The following STAG2 variants were observed in gnomAD, a reference collection of about 807,000 sequenced individuals.
STAG2 encodes the protein cohesin subunit SA-2.
Under a neutral mutation model 108.1 loss-of-function variants are expected in STAG2, and 14 were observed. The observed-to-expected ratio is 0.13, with a 90% CI of 0.09 to 0.20. The LOEUF (loss-of-function observed/expected upper bound fraction) is 0.20, where lower values mean the gene tolerates loss of function less well. Ranked by LOEUF, STAG2 falls within the 10% of genes least tolerant of loss-of-function variation. STAG2 has a pLI of 1.00. For synonymous variants in STAG2, 307 were observed against 302.7 expected, an observed-to-expected ratio of 1.01 and a Z score of -0.15; for missense variants, 440 against 940.9, an observed-to-expected ratio of 0.47 and a Z score of 6.96.
chrX:124,028,807 T>TATAATATATATATAATATATATATATA (rs2057197658), intron 4 of STAG2, among the ~76,000 whole-genome samples: 1 of 87,090 alleles, frequency 1.1e-5, no homozygotes, highest in African/African-American at 4.4e-5. Context: ...TATATATATA[T>TATAATATATATATAATATATATATATA]ATATATATAT....
intron 28 of STAG2, among the ~76,000 whole-genome samples, chrX:124,082,668 A>G (rs1178965010): frequency 9.0e-6 from 1 of 111,248 alleles, no homozygotes; most frequent in Non-Finnish European, 1.9e-5. Flanking sequence ...CACTAGGATT[A>G]TAGGTGTGAA....
intron 1 of STAG2, among the ~76,000 whole-genome samples, chrX:123,974,474 G>A (rs969790503): frequency 1.8e-5 from 2 of 108,696 alleles, no homozygotes; most frequent in East Asian, 5.7e-4. Flanking sequence ...GATAACACCC[G>A]TCTTGGCCTC....
At chrX:124,081,551 A>G (rs777076913) in intron 28 of STAG2, 23 bp downstream of exon 28, 4 of 1,120,614 alleles carry the variant, frequency 3.6e-6, no homozygotes, top group East Asian at 3.2e-5. Context: ...TATTTTATTC[A>G]GCTCTCATAT....
intron 32 of STAG2, among the ~76,000 whole-genome samples, chrX:124,093,740 G>C (rs2059314174): frequency 9.0e-6 from 1 of 111,422 alleles, no homozygotes; most frequent in Middle Eastern, 4.2e-3. Context: ...ATGTTCCCAT[G>C]TGGGAAATTC....
intron 1 of STAG2, among the ~76,000 whole-genome samples, chrX:124,005,423 T>C (rs1321309706): frequency 9.0e-6 from 1 of 111,645 alleles, no homozygotes; most frequent in Non-Finnish European, 1.9e-5. Flanking sequence ...ATCACAGATA[T>C]CCCTCACACT....
At chrX:123,977,685 C>T (rs1426775508) in intron 1 of STAG2, among the ~76,000 whole-genome samples, 1 of 110,344 alleles carries the variant, frequency 9.1e-6, no homozygotes, top group Non-Finnish European at 1.9e-5. Context: ...AATTTCCCTA[C>T]AAGCCTGTGA....
At chrX:124,051,855 G>A (rs868336682) in intron 13 of STAG2, among the ~76,000 whole-genome samples, 2 of 112,399 alleles carry the variant, frequency 1.8e-5, no homozygotes, top group African/African-American at 6.5e-5. Flanking sequence ...CTCCCAAGGT[G>A]CTGGGATTAC....
At chrX:124,000,080 C>A (rs1569498087) in intron 1 of STAG2, among the ~76,000 whole-genome samples, 4 of 110,473 alleles carry the variant, frequency 3.6e-5, no homozygotes, top group Non-Finnish European at 3.8e-5. Flanking sequence ...AAACTACAGT[C>A]ATGTGCTGAA....
chrX:123,987,141 C>T (rs1032316832), intron 1 of STAG2, among the ~76,000 whole-genome samples: 7 of 109,800 alleles, frequency 6.4e-5, no homozygotes, highest in African/African-American at 1.3e-4. Flanking sequence ...TACAGGTGTG[C>T]GCCACCATGC....
chrX:124,035,312 CA>C (rs1423332434), intron 5 of STAG2, among the ~76,000 whole-genome samples: 1 of 111,661 alleles, frequency 9.0e-6, no homozygotes, highest in African/African-American at 3.3e-5. Context: ...CAGTAGCTCG[CA>C]TTATTTTTAT....
chrX:124,070,902 T>TA (rs1364032046), intron 24 of STAG2, among the ~76,000 whole-genome samples: 1 of 110,867 alleles, frequency 9.0e-6, no homozygotes, highest in Non-Finnish European at 1.9e-5. Flanking sequence ...TGCTGAAAAT[T>TA]AAAAAAAATT....
chrX:123,984,225 G>T (rs372982661), intron 1 of STAG2, among the ~76,000 whole-genome samples: 1 of 109,667 alleles, frequency 9.1e-6, no homozygotes, highest in Non-Finnish European at 1.9e-5. Context: ...TGATTCGCTG[G>T]CCTCAGCCTC....
Position 124,048,993 on chromosome X carries a change from GT to G in STAG2, c.820-5del. 1 of 1,182,100 alleles carries G rather than the reference GT, an allele frequency of 8.5e-7. No individual in the cohort carries two copies. The highest frequency in any genetic ancestry group is 3.0e-5 in the East Asian group (1 of 33,468). On this transcript the variant is annotated splice_polypyrimidine_tract_variant and intron_variant, in intron 9 of 34. Transcript: ENST00000371145. ...CTTTACAATTGAAAAGAAATGATGTGTTTTTTTACAGCTTCAGGAAAATCAA... is the reference window on the plus strand; with the variant it reads ...CTTTACAATTGAAAAGAAATGATGTGTTTTTTACAGCTTCAGGAAAATCAA...
At position 124,056,144 on chromosome X, in the gene STAG2, C is replaced by G. The variant is rs1265255072; in HGVS notation, c.1213C>G (p.Leu405Val). Residue 405 changes from leucine (L) to valine (V), a missense_variant, in exon 14 of 35, where the codon CTC becomes GTC. Coordinates refer to ENST00000371145, the MANE Select transcript of STAG2 (RefSeq NM_001042750.2). Reference sequence around the variant, plus strand: ...ATTTCTTAGGAGTAGTGAAGAAGTTCTCACTGCAGAAGATTGTGAAAATGT... The same window carrying G: ...ATTTCTTAGGAGTAGTGAAGAAGTTGTCACTGCAGAAGATTGTGAAAATGT... Reference protein sequence around the residue: ...TLVLQSSEEVLTAEDCENVYH... With the variant: ...TLVLQSSEEVVTAEDCENVYH... The G allele has an allele frequency of 8.3e-7, 1 of 1,198,744 alleles. No homozygotes were observed. The highest frequency in any genetic ancestry group is 1.1e-6 in the Non-Finnish European group (1 of 888,217).
At chrX:124,097,848 C>T (rs1379054503) in intron 34 of STAG2, 3 of 168,298 alleles carry the variant, frequency 1.8e-5, no homozygotes, top group African/African-American at 9.1e-5. Flanking sequence ...GTTGTGCTTC[C>T]CAAAACTAAA....
intron 26 of STAG2, 109 bp downstream of exon 26, chrX:124,076,580 G>A: frequency 2.7e-6 from 2 of 741,580 alleles, no homozygotes; most frequent in Non-Finnish European, 3.7e-6. Context: ...GTGTAAAAGA[G>A]TTGTATTTTA....
Position 124,063,834 on chromosome X carries a change from T to A in STAG2, c.1822-14T>A. 8.4e-7 allele frequency: 1 copy of A among 1,193,576 alleles called. No homozygotes were observed. ...TATGCCTTAGTTTTGATGAAAAATA[T>A]TATTATTTTGCAGCATTTGGATGCC... On this transcript the variant is annotated splice_polypyrimidine_tract_variant and intron_variant, in intron 19 of 34. Coordinates refer to ENST00000371145, the MANE Select transcript of STAG2 (RefSeq NM_001042750.2).
chrX:124,025,795 A>G (rs1320262311), intron 3 of STAG2, 45 bp from the exon 4 acceptor site: 4 of 963,094 alleles, frequency 4.2e-6, no homozygotes, highest in African/African-American at 2.0e-5. Flanking sequence ...GAAACTCAAT[A>G]TAAATTTCTA....
intron 30 of STAG2, among the ~76,000 whole-genome samples, 186 bp downstream of exon 30, chrX:124,086,956 T>C (rs2059122667): frequency 1.8e-5 from 2 of 112,605 alleles, no homozygotes; most frequent in Admixed American, 9.4e-5. Flanking sequence ...ACTTTTTGGG[T>C]ACATCTTCAT....
Sources: allele counts gnomAD v4.1 joint callset (sites outside exome capture counted in the v4.1 genomes callset), GRCh38; gene constraint gnomAD v4.1.1; transcripts MANE v1.5; gene names NCBI Gene and HGNC (gene_info 2026-07-23, HGNC 2026-07-21).